Variants in SNX3 observed in about 807,000 individuals in gnomAD.
SNX3 encodes the protein sorting nexin 3.
A neutral mutation model predicts 17.7 loss-of-function variants in SNX3; 5 were observed. The observed-to-expected ratio is 0.28, with a 90% confidence interval of 0.15 to 0.59. SNX3 has a LOEUF of 0.59. SNX3 is among the 20% of genes least tolerant of loss of function. The pLI, the probability that SNX3 is intolerant of heterozygous loss-of-function variation, is 0.88. For missense variants in SNX3, 132 were observed against 206.8 expected, an observed-to-expected ratio of 0.64 and a Z score of 2.22; for synonymous variants, 91 against 76.5, an observed-to-expected ratio of 1.19 and a Z score of -0.99.
At chr6:108,239,250 G>A (rs147102452) in intron 1 of SNX3, among the ~76,000 whole-genome samples, 1 of 152,068 alleles carries the variant, frequency 6.6e-6, no homozygotes, top group East Asian at 1.9e-4. Context: ...AAATGAATTA[G>A]TCAAGCAGAC....
chr6:108,218,220 G>T (rs1774647694), intron 2 of SNX3, among the ~76,000 whole-genome samples: 1 of 152,070 alleles, frequency 6.6e-6, no homozygotes, highest in Non-Finnish European at 1.5e-5. Flanking sequence ...ATTGAAAAAG[G>T]CAAAAGCTCT....
intron 2 of SNX3, among the ~76,000 whole-genome samples, chr6:108,217,210 G>T (rs1774613864): frequency 6.6e-6 from 1 of 151,184 alleles, no homozygotes; most frequent in African/African-American, 2.4e-5. Flanking sequence ...GATAAAAAAT[G>T]TAACAATATA....
At chr6:108,252,853 G>C (rs1054228608) in intron 1 of SNX3, among the ~76,000 whole-genome samples, 1 of 151,910 alleles carries the variant, frequency 6.6e-6, no homozygotes, top group African/African-American at 2.4e-5. Flanking sequence ...GGTCAGGCTG[G>C]TCTCGAACTC....
intron 3 of SNX3, among the ~76,000 whole-genome samples, chr6:108,213,817 T>C (rs991291716): frequency 3.9e-5 from 6 of 152,232 alleles, no homozygotes; most frequent in African/African-American, 1.4e-4. Flanking sequence ...AAATTTACAG[T>C]GTAAGCTCAC....
At position 108,212,111 on chromosome 6, in the gene SNX3, T is replaced by C. The variant is rs1227333979; in HGVS notation, c.*38A>G. On this transcript the variant is annotated 3_prime_UTR_variant, in exon 4 of 4. Transcript: ENST00000230085. Reference sequence around the variant, plus strand: ...GAACTTCTTCACTGGTGCTTATCAATCATTAATAGTCACGTTTTTGCCCCT... The same window carrying C: ...GAACTTCTTCACTGGTGCTTATCAACCATTAATAGTCACGTTTTTGCCCCT... 1.9e-6 allele frequency: 2 copies of C among 1,076,260 alleles called. No individual in the cohort carries two copies. Among genetic ancestry groups the C allele is most frequent in the African/African-American group, 1.6e-5 (1 of 62,892 alleles). 66.7% of individuals were successfully genotyped at this position (1,076,260 alleles called of 1,614,324 possible).
At chr6:108,257,878 C>G (rs554860073) in intron 1 of SNX3, among the ~76,000 whole-genome samples, 7 of 152,046 alleles carry the variant, frequency 4.6e-5, no homozygotes, top group Admixed American at 2.0e-4. Flanking sequence ...GCAGGAGAAT[C>G]GCTTGAACTC....
In SNX3 at chr6:108,260,973, C is replaced by T; in HGVS notation, c.-52G>A. The T allele has an allele frequency of 1.4e-6, 2 of 1,435,270 alleles. No individual in the cohort carries two copies. The highest frequency in any genetic ancestry group is 3.1e-5 in the Admixed American group (1 of 32,556). 88.9% of individuals were successfully genotyped at this position (1,435,270 alleles called of 1,614,324 possible). A position where few individuals can be genotyped will look rare whatever the true frequency, so the allele number is the denominator to read the frequency against. On this transcript the variant is annotated 5_prime_UTR_variant, in exon 1 of 4. Coordinates refer to ENST00000230085, the MANE Select transcript of SNX3 (RefSeq NM_003795.6). ...GGGCTCCCTCCGCCCCCTCCGCGTT[C>T]AGCCGCCGCCGCCGCCGCTGCTGCC...
chr6:108,238,367 T>C (rs193069106), intron 1 of SNX3, among the ~76,000 whole-genome samples: 92 of 152,302 alleles, frequency 6.0e-4, no homozygotes, highest in African/African-American at 2.1e-3. Context: ...GAGTACATTG[T>C]GATAAAAACA....
intron 1 of SNX3, among the ~76,000 whole-genome samples, chr6:108,246,516 C>T (rs1451970129): frequency 6.8e-6 from 1 of 146,830 alleles, no homozygotes; most frequent in Non-Finnish European, 1.5e-5. Context: ...TTTTAGTAGA[C>T]ATGGGGTTTC....
chr6:108,259,646 G>T (rs977738288), intron 1 of SNX3, among the ~76,000 whole-genome samples: 1 of 152,290 alleles, frequency 6.6e-6, no homozygotes, highest in Non-Finnish European at 1.5e-5. Context: ...AACTACGTAA[G>T]AATCATTTTT....
At chr6:108,236,407 G>A (rs1490754689) in intron 1 of SNX3, among the ~76,000 whole-genome samples, 8 of 138,184 alleles carry the variant, frequency 5.8e-5, no homozygotes, top group East Asian at 2.1e-4. Context: ...TTTTTGAGAC[G>A]GAGTCTCGCT....
chr6:108,227,599 A>G (rs955669170), intron 1 of SNX3, among the ~76,000 whole-genome samples: 4 of 152,196 alleles, frequency 2.6e-5, no homozygotes, highest in Non-Finnish European at 4.4e-5. Context: ...GAGGACCATG[A>G]TTAGCTTAAG....
At chr6:108,242,161 A>G (rs1775539666) in intron 1 of SNX3, among the ~76,000 whole-genome samples, 1 of 152,180 alleles carries the variant, frequency 6.6e-6, no homozygotes, top group South Asian at 2.1e-4. Context: ...AGAAAGAAAG[A>G]AAAAAATAAG....
rs762493649 is a variant in SNX3 at position 108,222,201 on chromosome 6, G to C, written c.258+749C>G. 4.6e-6 allele frequency: 6 copies of C among 1,303,308 alleles called. No individual in the cohort carries two copies. The South Asian group carries it at 7.4e-5, about 16-fold the overall frequency. The allele number at this position is 1,303,308 out of a possible 1,614,324, so 80.7% of individuals were successfully genotyped here. ...TACAGACTAGCCTTCATCTAGTTCAGGACTCCTACCATACCCACACCTTTT... is the reference window on the plus strand; with the variant it reads ...TACAGACTAGCCTTCATCTAGTTCACGACTCCTACCATACCCACACCTTTT... On this transcript the variant is annotated intron_variant, in intron 2 of 3. Transcript: ENST00000230085.
chr6:108,217,945 T>C (rs1454761315), intron 2 of SNX3, among the ~76,000 whole-genome samples: 1 of 152,160 alleles, frequency 6.6e-6, no homozygotes, highest in Admixed American at 6.5e-5. Flanking sequence ...CAGATCTTAG[T>C]TAAAAGTACT....
chr6:108,234,201 T>C (rs775473711), intron 1 of SNX3, among the ~76,000 whole-genome samples: 1 of 151,748 alleles, frequency 6.6e-6, no homozygotes, highest in African/African-American at 2.4e-5. Flanking sequence ...GAGACCAGTA[T>C]TTGAGTAATC....
intron 1 of SNX3, among the ~76,000 whole-genome samples, chr6:108,238,386 C>A (rs1775417408): frequency 1.3e-5 from 2 of 152,068 alleles, no homozygotes; most frequent in African/African-American, 2.4e-5. Flanking sequence ...CATGTATATA[C>A]AATGTTTTAG....
At chr6:108,235,498 A>G (rs1389033270) in intron 1 of SNX3, among the ~76,000 whole-genome samples, 2 of 152,230 alleles carry the variant, frequency 1.3e-5, no homozygotes, top group African/African-American at 2.4e-5. Flanking sequence ...TTACATAGCA[A>G]TAATCAACTG....
chr6:108,250,775 G>A (rs960927654), intron 1 of SNX3, among the ~76,000 whole-genome samples: 3 of 152,218 alleles, frequency 2.0e-5, no homozygotes, highest in Non-Finnish European at 4.4e-5. Flanking sequence ...GCTATAGGTG[G>A]CAGGTGCTAA....
Sources: gnomAD v4.1 joint callset for allele counts (sites outside exome capture counted in the v4.1 genomes callset) on GRCh38, gnomAD v4.1.1 for gene constraint, MANE v1.5 for transcripts, NCBI Gene and HGNC (gene_info 2026-07-23, HGNC 2026-07-21) for gene names.